The following DNHD1 variants were observed in gnomAD, a reference collection of about 807,000 sequenced individuals.
DNHD1 encodes dynein heavy chain domain 1.
DNHD1 carries 383 observed loss-of-function variants against 458.1 expected under a neutral mutation model. That is an observed-to-expected ratio of 0.84 (90% CI 0.77 to 0.91). DNHD1 has a LOEUF of 0.91. Among genes scored for constraint, DNHD1 ranks in the 40% least tolerant of loss-of-function variants. The pLI is 0.00. For missense variants in DNHD1, 5,336 were observed against 5,866.1 expected (o/e 0.91, Z 2.95); for synonymous variants, 2,203 against 2,376.9 (o/e 0.93, Z 2.13).
rs1589882234 is a variant in DNHD1, at chr11:6,540,042, G to A, written c.3587G>A (p.Trp1196Ter). ...SKRQVLRSPQ[W>*]EVVDKDSGTF... is the part of the protein sequence containing the mutation. ...AGGCAGGTGCTCCGCAGCCCCCAAT[G>A]GGAGGTAGTGGACAAAGATAGTGGC... Residue 1196 changes from tryptophan (W) to a stop codon, truncating the protein, a stop_gained, in exon 18 of 43, where the codon TGG becomes TAG. Coordinates refer to ENST00000254579, the MANE Select transcript of DNHD1 (RefSeq NM_144666.3). LOFTEE classifies it high-confidence loss of function. 1.9e-6 allele frequency: 3 copies of A among 1,551,704 alleles called. No homozygotes were observed. The East Asian group carries it at 7.3e-5, about 38-fold the overall frequency.
chr11:6,555,943 T>C (rs1853454659), intron 24 of DNHD1, among the ~76,000 whole-genome samples: 1 of 152,148 alleles, frequency 6.6e-6, no homozygotes, highest in African/African-American at 2.4e-5. Flanking sequence ...ATACATTTTG[T>C]TGTATGTAAA....
At chr11:6,512,787 G>A (rs1046931406) in intron 7 of DNHD1, among the ~76,000 whole-genome samples, 2 of 151,942 alleles carry the variant, frequency 1.3e-5, no homozygotes, top group Non-Finnish European at 2.9e-5. Flanking sequence ...CTCCACAAGG[G>A]TAGAGATCTT....
At position 6,546,882 on chromosome 11, in the gene DNHD1, C is replaced by A. The variant is rs1263691400; in HGVS notation, c.5943C>A (p.Ala1981=). The A allele has an allele frequency of 1.3e-6, 2 of 1,551,752 alleles. No homozygotes were observed. The highest frequency in any genetic ancestry group is 3.9e-5 in the Admixed American group (2 of 51,012). ...ILGSLEQLSQ[A]LSRASGILLL... The stretch of plus-strand genomic sequence containing the variant: ...GGTCCTTGGAACAGTTGAGCCAGGC[C>A]CTGAGCCGGGCCTCAGGCATTCTGC... Residue 1981 remains alanine (A), a synonymous_variant, in exon 21 of 43, where the codon GCC becomes GCA. Coordinates refer to ENST00000254579, the MANE Select transcript of DNHD1 (RefSeq NM_144666.3).
In DNHD1 at chr11:6,498,710, C is replaced by A. The variant is rs1564992384; in HGVS notation, c.495C>A (p.Cys165Ter). 6.2e-7 allele frequency: 1 copy of A among 1,614,088 alleles called. No homozygotes were observed. Among genetic ancestry groups the A allele is most frequent in the Non-Finnish European group, 8.5e-7 (1 of 1,180,042 alleles). The part of the protein sequence containing the change: ...RLHHRPPCPA[C>*]PFVQAQWSRQ... Reference sequence around the variant, plus strand: ...ATCACAGGCCCCCATGCCCAGCTTGCCCTTTTGTGCAGGCCCAGTGGAGCA... The same window carrying A: ...ATCACAGGCCCCCATGCCCAGCTTGACCTTTTGTGCAGGCCCAGTGGAGCA... Residue 165 changes from cysteine (C) to a stop codon, truncating the protein, a stop_gained, in exon 3 of 43, where the codon TGC (cysteine) becomes TGA (stop). Coordinates refer to ENST00000254579, the MANE Select transcript of DNHD1 (RefSeq NM_144666.3). LOFTEE classifies it high-confidence loss of function.
Position 6,567,366 on chromosome 11 carries a change from G to A in DNHD1, c.11857G>A (p.Glu3953Lys). The A allele has an allele frequency of 6.2e-7, 1 of 1,614,040 alleles. No homozygotes were observed. The highest frequency in any genetic ancestry group is 8.5e-7 in the Non-Finnish European group (1 of 1,179,888). The change falls in exon 36 of 43, where the codon GAA becomes AAA. Residue 3953 changes from glutamate to lysine, a missense_variant. By Grantham distance (56) the Glu-to-Lys change is moderately conservative (BLOSUM62 1). Around this residue, in one of 4 missense-constraint regions of DNHD1, gnomAD observed 695 missense variants for 804.2 expected, o/e 0.86. Coordinates refer to ENST00000254579, the MANE Select transcript of DNHD1 (RefSeq NM_144666.3). ...AGCAACAGGGAAAGCATCAGAGCTG[G>A]AAAGACTGGCACTCTGGCCTGGACT... The part of the protein sequence containing the change: ...LQATGKASEL[E>K]RLALWPGLAA...
intron 29 of DNHD1, 26 bp from the exon 30 acceptor site, chr11:6,563,356 T>A (rs1373099548): frequency 6.4e-7 from 1 of 1,550,472 alleles, no homozygotes; most frequent in South Asian, 1.2e-5. Context: ...AGGAGCTCAC[T>A]TCAGAGGGTA....
intron 28 of DNHD1, among the ~76,000 whole-genome samples, chr11:6,559,617 C>G (rs546917617): frequency 6.6e-6 from 1 of 152,338 alleles, no homozygotes; most frequent in African/African-American, 2.4e-5. Context: ...ATCTCAGTCA[C>G]CACTCACTCA....
intron 30 of DNHD1, 52 bp from the exon 31 acceptor site, chr11:6,563,641 A>G (rs1853629292): frequency 6.5e-7 from 1 of 1,545,274 alleles, no homozygotes; most frequent in Non-Finnish European, 8.7e-7. Context: ...CTGTTGGGTC[A>G]AGGTCCAGAG....
At chr11:6,527,960 C>G (rs1852743919) in intron 10 of DNHD1, among the ~76,000 whole-genome samples, 1 of 152,206 alleles carries the variant, frequency 6.6e-6, no homozygotes, top group South Asian at 2.1e-4. Context: ...CTCTGTTCTG[C>G]AGATGCCAGA....
chr11:6,524,697 A>G (rs189763981), intron 10 of DNHD1, among the ~76,000 whole-genome samples: 1 of 152,292 alleles, frequency 6.6e-6, no homozygotes, highest in Non-Finnish European at 1.5e-5. Context: ...AAGGCTGTGT[A>G]TGGTGGGGGA....
rs1564822320 is a variant in DNHD1, at chr11:6,563,131, G to C, written c.9669G>C (p.Gln3223His). ...LQAQREAFLE[Q>H]MSKAFLEPLS... ...CTCAGCGAGAGGCTTTCCTGGAGCA[G>C]GTGGGCTCTTCCTGCCGCCTGCCCT... Residue 3223 changes from glutamine (Q) to histidine (H), a missense_variant and splice_region_variant, in exon 29 of 43, where the codon CAG (glutamine) becomes CAC (histidine). Physicochemically the swap from Gln to His is conservative, Grantham distance 24 (BLOSUM62 0). This residue lies in a region of DNHD1 where 3,932 missense variants were observed against 4,365.6 expected (regional missense o/e 0.90). Coordinates refer to ENST00000254579, the MANE Select transcript of DNHD1 (RefSeq NM_144666.3). 2.6e-6 allele frequency: 4 copies of C among 1,551,680 alleles called. No homozygotes were observed. The highest frequency in any genetic ancestry group is 3.5e-6 in the Non-Finnish European group (4 of 1,146,992).
In DNHD1 at chr11:6,546,687, G is replaced by GT. The variant is rs1226528930; in HGVS notation, c.5751dup (p.Ser1918Ter). 1 of 1,551,834 alleles carries GT rather than the reference G, an allele frequency of 6.4e-7. No homozygotes were observed. Among genetic ancestry groups the GT allele is most frequent in the Admixed American group, 2.0e-5 (1 of 51,018 alleles). Reference sequence around the variant, plus strand: ...AGGCTGCCCTACTGCGCTCACCACTGTTTAGCATTCTCAATGGGCTCCACC... The same window carrying GT: ...AGGCTGCCCTACTGCGCTCACCACTGTTTTAGCATTCTCAATGGGCTCCACC... On this transcript the variant is annotated frameshift_variant, in exon 21 of 43. Coordinates refer to ENST00000254579, the MANE Select transcript of DNHD1 (RefSeq NM_144666.3). LOFTEE classifies it high-confidence loss of function.
intron 4 of DNHD1, chr11:6,508,330 T>C (rs1413860257): frequency 1.3e-5 from 2 of 153,392 alleles, no homozygotes; most frequent in African/African-American, 4.8e-5. Flanking sequence ...GCAATTTTCC[T>C]CTTTATTTGC....
intron 28 of DNHD1, 133 bp from the exon 29 acceptor site, chr11:6,562,849 T>C (rs769345535): frequency 7.1e-5 from 71 of 1,002,046 alleles, no homozygotes; most frequent in Non-Finnish European, 1.0e-4. Context: ...CCTCTCTCTG[T>C]GGCCTACTTG....
chr11:6,571,007 C>T lies in DNHD1; in HGVS notation c.13495C>T (p.Leu4499=), dbSNP rs1353640279. 1.9e-6 allele frequency: 3 copies of T among 1,597,476 alleles called. No individual in the cohort carries two copies. The highest frequency in any genetic ancestry group is 1.7e-4 in the Middle Eastern group (1 of 5,986). The change falls in exon 42 of 43, where the codon CTA becomes TTA. Residue 4499 remains leucine, a synonymous_variant. Coordinates refer to ENST00000254579, the MANE Select transcript of DNHD1 (RefSeq NM_144666.3). The surrounding 1 kb of genome is among the most constrained non-coding windows in gnomAD (Gnocchi z 5.0). ...ALELSQLVGT[L]QRDLDCLLQQ... ...AGAACTGAGCCAGTTGGTGGGCACGCTACAACGCGACCTTGATTGCCTGTT... is the reference window on the plus strand; with the variant it reads ...AGAACTGAGCCAGTTGGTGGGCACGTTACAACGCGACCTTGATTGCCTGTT...
chr11:6,498,986 C>A, intron 3 of DNHD1, 25 bp downstream of exon 3: 1 of 1,550,464 alleles, frequency 6.4e-7, no homozygotes, highest in Admixed American at 2.0e-5. Context: ...CAGTCTAGGG[C>A]TTGAGCAGAG....
At chr11:6,547,781 A>G in intron 21 of DNHD1, 82 bp from the exon 22 acceptor site, 1 of 1,523,042 alleles carries the variant, frequency 6.6e-7, no homozygotes, top group South Asian at 1.2e-5. Flanking sequence ...AGTGAAAAGT[A>G]ATACTGTCAA....
At chr11:6,512,765 A>G (rs1388612179) in intron 7 of DNHD1, among the ~76,000 whole-genome samples, 1 of 152,084 alleles carries the variant, frequency 6.6e-6, no homozygotes, top group African/African-American at 2.4e-5. Context: ...ATGTCTCATG[A>G]TAGGTTGTAA....
chr11:6,537,224 G>T (rs1462583934), intron 14 of DNHD1, among the ~76,000 whole-genome samples: 1 of 152,188 alleles, frequency 6.6e-6, no homozygotes, highest in African/African-American at 2.4e-5. Context: ...AAGAACTAAT[G>T]TAGTACCCTG....
Sources: allele counts gnomAD v4.1 joint callset (sites outside exome capture counted in the v4.1 genomes callset), GRCh38; gene constraint gnomAD v4.1.1; regional missense constraint gnomAD v4.1.1; non-coding constraint Gnocchi (gnomAD v3.1); transcripts MANE v1.5; gene names NCBI Gene and HGNC (gene_info 2026-07-23, HGNC 2026-07-21).